Variants in MMP17 observed in about 807,000 individuals in gnomAD.
The protein encoded by MMP17 is matrix metallopeptidase 17.
Under a neutral mutation model 49.1 loss-of-function variants are expected in MMP17, and 54 were observed. The ratio of observed to expected loss-of-function variants is 1.10; its 90% confidence interval spans 0.88 to 1.38. The LOEUF is 1.38. Among genes scored for constraint, MMP17 ranks in the 40% most tolerant of loss-of-function variants. The probability of loss-of-function intolerance (pLI) is 0.00; values close to 1 mark genes in which losing one functional copy is unlikely to be tolerated. For synonymous variants in MMP17, 397 were observed against 383.1 expected (o/e 1.04, Z -0.42); for missense variants, 837 against 853.7 (o/e 0.98, Z 0.24).
intron 5 of MMP17, among the ~76,000 whole-genome samples, chr12:131,843,633 T>C (rs1887539224): frequency 6.6e-6 from 1 of 152,102 alleles, no homozygotes; most frequent in African/African-American, 2.4e-5. Context: ...GGCTGAATAG[T>C]TTTGTCATCA....
chr12:131,841,511 G>C (rs947865297), intron 4 of MMP17, 113 bp from the exon 5 acceptor site: 7 of 1,095,818 alleles, frequency 6.4e-6, no homozygotes, highest in Admixed American at 5.6e-5. Context: ...TGGCGCAGCC[G>C]GCATCGAGGC....
chr12:131,835,433 C>G (rs1887035017), intron 1 of MMP17, among the ~76,000 whole-genome samples: 1 of 152,242 alleles, frequency 6.6e-6, no homozygotes, highest in Admixed American at 6.5e-5. Context: ...GTGCTGCCTG[C>G]CAGGCCCGGC....
chr12:131,838,706 C>T lies in MMP17; in HGVS notation c.387C>T (p.Ala129=). 6.3e-7 allele frequency: 1 copy of T among 1,599,364 alleles called. No individual in the cohort carries two copies. The highest frequency in any genetic ancestry group is 8.5e-7 in the Non-Finnish European group (1 of 1,174,178). The change falls in exon 3 of 10, where the codon GCC becomes GCT. Residue 129 remains alanine (A), a synonymous_variant. Coordinates refer to ENST00000360564, the MANE Select transcript of MMP17 (RefSeq NM_016155.7). ...CTCGCAGGAGACGCCAGGCTCCAGC[C>T]CCCACCAAGTGGAACAAGAGGAACC... ...TQARRRRQAP[A]PTKWNKRNLS... is the part of the protein sequence containing the mutation.
intron 1 of MMP17, among the ~76,000 whole-genome samples, chr12:131,829,705 C>T (rs1886696372): frequency 6.6e-6 from 1 of 152,250 alleles, no homozygotes; most frequent in South Asian, 2.1e-4. Flanking sequence ...CCAAGCAAGT[C>T]AGCGCAGGTG....
chr12:131,846,093 T>G lies in MMP17; in HGVS notation c.1204+644T>G, dbSNP rs1593236681. 6.6e-6 allele frequency among the ~76,000 whole-genome samples: 1 copy of G among 152,068 alleles called. No individual in the cohort carries two copies. Among genetic ancestry groups the G allele is most frequent in the Admixed American group, 6.5e-5 (1 of 15,270 alleles). ...AAAGGGAGACAGTAGCAGGGGCAGG[T>G]GGGGGTGGCAGGGCTGCAGGACAGA... On this transcript the variant is annotated intron_variant, in intron 8 of 9. Coordinates refer to ENST00000360564, the MANE Select transcript of MMP17 (RefSeq NM_016155.7). The surrounding 1 kb of genome is among the most constrained non-coding windows in gnomAD (Gnocchi z 4.6).
rs1566091652 is a variant in MMP17 at position 131,845,212 on chromosome 12, G to A, written c.1051+12G>A. 6.2e-7 allele frequency: 1 copy of A among 1,614,088 alleles called. No individual in the cohort carries two copies. ...TTTCTTCTTCAAAGGTACCTCCAGG[G>A]TTCCCGTGGCGGTTGGCTGAGGGCC... On this transcript the variant is annotated intron_variant, in intron 7 of 9. Coordinates refer to ENST00000360564, the MANE Select transcript of MMP17 (RefSeq NM_016155.7).
At position 131,846,943 on chromosome 12, in the gene MMP17, G is replaced by A. The variant is rs1173350571; in HGVS notation, c.1204+1494G>A. On this transcript the variant is annotated intron_variant, in intron 8 of 9. Coordinates refer to ENST00000360564, the MANE Select transcript of MMP17 (RefSeq NM_016155.7). The surrounding 1 kb of genome is among the most constrained non-coding windows in gnomAD (Gnocchi z 4.6). ...ACTCCGTCACCCCCATCACCTGGGA[G>A]CCCTCCGGTGACTGTTCCCGGAGGC... Among the ~76,000 whole-genome samples, 6 of 152,126 alleles carry A rather than the reference G, an allele frequency of 3.9e-5. No individual in the cohort carries two copies. In the East Asian group the frequency reaches 9.7e-4, roughly 25 times the overall value.
Position 131,845,285 on chromosome 12 carries a change from C to T in MMP17, c.1052-12C>T, listed in dbSNP as rs1887642478. Reference sequence around the variant, plus strand: ...CGTCTCTGCAGCCCGGCCCTCCCCTCTGTGCCCCCAGGCAAGTACTTCTGG... The same window carrying T: ...CGTCTCTGCAGCCCGGCCCTCCCCTTTGTGCCCCCAGGCAAGTACTTCTGG... On this transcript the variant is annotated splice_polypyrimidine_tract_variant and intron_variant, in intron 7 of 9. Transcript: ENST00000360564. The T allele has an allele frequency of 6.2e-7, 1 of 1,611,260 alleles. No individual in the cohort carries two copies. Among genetic ancestry groups the T allele is most frequent in the Non-Finnish European group, 8.5e-7 (1 of 1,177,956 alleles).
Position 131,834,548 on chromosome 12 carries a change from G to A in MMP17, c.160-3647G>A, listed in dbSNP as rs369844201. 3.7e-4 allele frequency among the ~76,000 whole-genome samples: 57 copies of A among 152,164 alleles called. 1 individual carries two copies. In the South Asian group the frequency reaches 0.011, roughly 29 times the overall value. On this transcript the variant is annotated intron_variant, in intron 1 of 9. Transcript: ENST00000360564. Reference sequence around the variant, plus strand: ...GGGCAGGGAGGGGGACACCTGGAGCGGGGAGTCTGGGCCCCCACCCCAGCG... The same window carrying A: ...GGGCAGGGAGGGGGACACCTGGAGCAGGGAGTCTGGGCCCCCACCCCAGCG...
In MMP17 at chr12:131,845,430, C is replaced by A; in HGVS notation, c.1185C>A (p.His395Gln). 1 of 1,573,656 alleles carries A rather than the reference C, an allele frequency of 6.4e-7. No individual in the cohort carries two copies. The highest frequency in any genetic ancestry group is 1.7e-5 in the Admixed American group (1 of 57,792). Residue 395 changes from histidine to glutamine, a missense_variant, in exon 8 of 10, where the codon CAC (histidine) becomes CAA (glutamine). Physicochemically the swap from His to Gln is conservative, Grantham distance 24. Coordinates refer to ENST00000360564, the MANE Select transcript of MMP17 (RefSeq NM_016155.7). ...CCGTGTACGAGCGCACCAGCGACCA[C>A]AAGATCGTCTTCTTTAAAGGTGGGT... ...VDAVYERTSDHKIVFFKGDRY... is the reference protein window; with the variant it reads ...VDAVYERTSDQKIVFFKGDRY...
chr12:131,847,170 T>G (rs1566093267), intron 8 of MMP17, among the ~76,000 whole-genome samples: 4 of 151,304 alleles, frequency 2.6e-5, no homozygotes, highest in Non-Finnish European at 5.9e-5. Flanking sequence ...CCCAGCATTT[T>G]GGGAGGCCGA....
chr12:131,843,872 C>T (rs1887552741), intron 5 of MMP17, 125 bp from the exon 6 acceptor site: 8 of 662,652 alleles, frequency 1.2e-5, no homozygotes, highest in East Asian at 2.9e-5. Context: ...ATCGCAGCTG[C>T]GCCCCCACAG....
At chr12:131,840,074 C>T (rs1887304549) in intron 3 of MMP17, 1 of 153,872 alleles carries the variant, frequency 6.5e-6, no homozygotes, top group South Asian at 2.1e-4. Context: ...AAGTGTGAGC[C>T]ACCACACCCA....
In MMP17 at chr12:131,832,644, C is replaced by G. The variant is rs190043905; in HGVS notation, c.159+3991C>G. On this transcript the variant is annotated intron_variant, in intron 1 of 9. Coordinates refer to ENST00000360564, the MANE Select transcript of MMP17 (RefSeq NM_016155.7). ...GGATTCGGGCCCTCCTGGGCACCCG[C>G]CTCTGGGATTCGGGCCCTCCTGGGC... 8.7e-3 allele frequency among the ~76,000 whole-genome samples: 1,327 copies of G among 152,092 alleles called. 16 individuals carry two copies. Among genetic ancestry groups the G allele is most frequent in the Non-Finnish European group, 0.011 (765 of 67,946 alleles).
intron 3 of MMP17, among the ~76,000 whole-genome samples, chr12:131,839,091 G>C (rs924701711): frequency 1.1e-4 from 17 of 152,184 alleles, no homozygotes; most frequent in Non-Finnish European, 2.2e-4. Flanking sequence ...AAAGGAGTAG[G>C]CTGGATGGTG....
chr12:131,838,805 G>C (rs1887227697), intron 3 of MMP17, 64 bp downstream of exon 3: 1 of 1,504,860 alleles, frequency 6.6e-7, no homozygotes, highest in Non-Finnish European at 8.9e-7. Context: ...CCAGGGTGAG[G>C]AACGGGGTCT....
intron 5 of MMP17, 143 bp from the exon 6 acceptor site, chr12:131,843,854 T>C (rs973296855): frequency 3.3e-6 from 2 of 612,454 alleles, no homozygotes; most frequent in Non-Finnish European, 5.6e-6. Context: ...GGGGCAGCAG[T>C]CTCGCTGATC....
chr12:131,841,609 T>C lies in MMP17; in HGVS notation c.707-15T>C, dbSNP rs762951644. On this transcript the variant is annotated splice_polypyrimidine_tract_variant and intron_variant, in intron 4 of 9. Coordinates refer to ENST00000360564, the MANE Select transcript of MMP17 (RefSeq NM_016155.7). ...CCTTCTTGCCCTTAGTTCACATGGC[T>C]CCCTGTGTCCCCAGATGCCCACGGG... 1 of 1,613,786 alleles carries C rather than the reference T, an allele frequency of 6.2e-7. No homozygotes were observed. Among genetic ancestry groups the C allele is most frequent in the Non-Finnish European group, 8.5e-7 (1 of 1,179,944 alleles).
At chr12:131,834,575 C>T (rs1886983746) in intron 1 of MMP17, among the ~76,000 whole-genome samples, 1 of 152,104 alleles carries the variant, frequency 6.6e-6, no homozygotes, top group South Asian at 2.1e-4. Context: ...ACCCCAGCGG[C>T]CATCCTACAG....
Sources: allele counts gnomAD v4.1 joint callset (sites outside exome capture counted in the v4.1 genomes callset), GRCh38; gene constraint gnomAD v4.1.1; non-coding constraint Gnocchi (gnomAD v3.1); transcripts MANE v1.5; gene names NCBI Gene and HGNC (gene_info 2026-07-23, HGNC 2026-07-21).